The following ZNF407 variants were observed in gnomAD, a reference collection of about 807,000 sequenced individuals.
ZNF407 encodes the protein zinc finger protein 407.
ZNF407 carries 17 observed loss-of-function variants against 131.2 expected under a neutral mutation model. That is an observed-to-expected ratio of 0.13 (90% CI 0.09 to 0.19). ZNF407 has a LOEUF of 0.19. Among genes scored for constraint, ZNF407 ranks in the 10% least tolerant of loss-of-function variants. ZNF407 has a pLI of 1.00. For missense variants in ZNF407, 2,681 were observed against 2,830.6 expected (o/e 0.95, Z 1.20); for synonymous variants, 1,156 against 1,062.0 (o/e 1.09, Z -1.72).
intron 4 of ZNF407, among the ~76,000 whole-genome samples, chr18:74,826,240 T>C (rs915609464): frequency 2.0e-5 from 3 of 152,204 alleles, no homozygotes; most frequent in Admixed American, 6.5e-5. Context: ...GTTGTACTTC[T>C]GGTTATATGG....
At chr18:74,695,276 T>G (rs1967324003) in intron 3 of ZNF407, among the ~76,000 whole-genome samples, 1 of 152,214 alleles carries the variant, frequency 6.6e-6, no homozygotes, top group Non-Finnish European at 1.5e-5. Context: ...CTGCATAACA[T>G]CTATGCCTTT....
At chr18:75,059,679 G>A (rs1378735911) in intron 8 of ZNF407, among the ~76,000 whole-genome samples, 1 of 152,188 alleles carries the variant, frequency 6.6e-6, no homozygotes, top group Non-Finnish European at 1.5e-5. Flanking sequence ...ACTGACCGGG[G>A]ATCAGCCACA....
intron 4 of ZNF407, among the ~76,000 whole-genome samples, chr18:74,833,666 T>G (rs1599184470): frequency 6.6e-6 from 1 of 152,210 alleles, no homozygotes; most frequent in East Asian, 1.9e-4. Flanking sequence ...GGCACGGGAC[T>G]TAAGGGCCTT....
chr18:74,725,774 G>A (rs908467589), intron 3 of ZNF407, among the ~76,000 whole-genome samples: 2 of 152,012 alleles, frequency 1.3e-5, no homozygotes, highest in Non-Finnish European at 2.9e-5. Context: ...ATTTGAGCAG[G>A]TGATGTTATG....
Position 74,644,583 on chromosome 18 carries a change from T to C in ZNF407, c.4802+3461T>C, listed in dbSNP as rs62097596. Among the ~76,000 whole-genome samples the C allele has an allele frequency of 2.0e-5, 3 of 151,930 alleles. No homozygotes were observed. The South Asian group carries it at 6.2e-4, about 31-fold the overall frequency. ...TTCTCTATGTACATATAAGGTAGTA[T>C]ACCTGGTACTCTAAATAGTATTTAT... On this transcript the variant is annotated intron_variant, in intron 3 of 8. Transcript: ENST00000299687.
intron 4 of ZNF407, among the ~76,000 whole-genome samples, chr18:74,782,835 G>A (rs1411997323): frequency 6.6e-6 from 1 of 152,054 alleles, no homozygotes; most frequent in Non-Finnish European, 1.5e-5. Context: ...TGGCCAGGAT[G>A]GTCTCAATCT....
At chr18:74,912,816 T>C (rs975552139) in intron 7 of ZNF407, among the ~76,000 whole-genome samples, 11 of 152,284 alleles carry the variant, frequency 7.2e-5, no homozygotes, top group African/African-American at 2.4e-4. Flanking sequence ...AGTCTGCAAC[T>C]TCTGTCCTAA....
chr18:74,717,098 C>T (rs1017901378), intron 3 of ZNF407, among the ~76,000 whole-genome samples: 9 of 152,054 alleles, frequency 5.9e-5, no homozygotes, highest in South Asian at 2.1e-4. Context: ...TGTATGTGTA[C>T]GCATGTGTAT....
chr18:74,627,321 C>A (rs1178631929), intron 1 of ZNF407, among the ~76,000 whole-genome samples: 2 of 152,172 alleles, frequency 1.3e-5, no homozygotes, highest in South Asian at 2.1e-4. Flanking sequence ...GTGGTGTTTG[C>A]TGTATATCCA....
intron 3 of ZNF407, among the ~76,000 whole-genome samples, chr18:74,652,733 A>C (rs1002817567): frequency 1.2e-4 from 18 of 147,802 alleles, no homozygotes; most frequent in African/African-American, 4.6e-4. Context: ...ATCAAAACAA[A>C]GAACTATTGG....
At chr18:74,740,694 G>T (rs1341409708) in intron 3 of ZNF407, among the ~76,000 whole-genome samples, 1 of 152,114 alleles carries the variant, frequency 6.6e-6, no homozygotes, top group East Asian at 1.9e-4. Flanking sequence ...ACCACTCCTG[G>T]GTTTAGGGAA....
At position 74,634,703 on chromosome 18, in the gene ZNF407, C is replaced by G; in HGVS notation, c.3684C>G (p.Val1228=). 3.7e-6 allele frequency: 6 copies of G among 1,613,978 alleles called. No individual in the cohort carries two copies. Among genetic ancestry groups the G allele is most frequent in the Non-Finnish European group, 5.1e-6 (6 of 1,179,896 alleles). Residue 1228 remains valine, a synonymous_variant, in exon 2 of 9, where the codon GTC becomes GTG. Transcript: ENST00000299687. ...CGAATGATGCAGGTGAGCTGCGTGT[C>G]CATTGTGAGGGTGAAGGAGGAAACG... ...EISNDAGELR[V]HCEGEGGNAG...
At chr18:74,600,227 C>T (rs1982521428) in intron 1 of ZNF407, among the ~76,000 whole-genome samples, 1 of 152,158 alleles carries the variant, frequency 6.6e-6, no homozygotes, top group Admixed American at 6.6e-5. Context: ...AGATGGCTTT[C>T]AGAATTGATG....
At chr18:74,689,526 A>G (rs1024958583) in intron 3 of ZNF407, among the ~76,000 whole-genome samples, 1 of 152,230 alleles carries the variant, frequency 6.6e-6, no homozygotes, top group Non-Finnish European at 1.5e-5. Flanking sequence ...GCAACTGTCC[A>G]TATCTCTTGA....
At position 74,926,975 on chromosome 18, in the gene ZNF407, ATTG is replaced by A. The variant is rs545286029; in HGVS notation, c.5428+6286_5428+6288del. On this transcript the variant is annotated intron_variant, in intron 8 of 8. Coordinates refer to ENST00000299687, the MANE Select transcript of ZNF407 (RefSeq NM_017757.3). ...ATCCTCCTGCAAGAGGGTGATCCTA[ATTG>A]TTCTAGAGTGACCCAAATGGTTGTT... 1.8e-4 allele frequency among the ~76,000 whole-genome samples: 27 copies of A among 152,198 alleles called. No homozygotes were observed. In the East Asian group the frequency reaches 4.4e-3, roughly 25 times the overall value.
At chr18:74,639,942 T>G (rs564082477) in intron 2 of ZNF407, among the ~76,000 whole-genome samples, 11 of 152,156 alleles carry the variant, frequency 7.2e-5, no homozygotes, top group Non-Finnish European at 1.2e-4. Flanking sequence ...TACAATTTTT[T>G]AAATTTGAGC....
At position 75,063,550 on chromosome 18, in the gene ZNF407, C is replaced by A; in HGVS notation, c.5829C>A (p.Val1943=). ...CTGATGGAGCCACCCAGGTGGTCGT[C>A]GTGGGGGGCTCCATGGAAGGCCACG... ...QLADGATQVV[V]VGGSMEGHGM... is the part of the protein sequence containing the mutation. The change falls in exon 9 of 9, where the codon GTC becomes GTA. Residue 1943 remains valine (V), a synonymous_variant. Transcript: ENST00000299687. This position sits in a 1 kb window ranked among gnomAD's most constrained non-coding sequence, Gnocchi z 6.6. 2 of 1,567,428 alleles carry A rather than the reference C, an allele frequency of 1.3e-6. No homozygotes were observed. The highest frequency in any genetic ancestry group is 2.4e-5 in the East Asian group (1 of 41,956).
intron 3 of ZNF407, among the ~76,000 whole-genome samples, chr18:74,718,569 C>G (rs1967952507): frequency 6.6e-6 from 1 of 151,866 alleles, no homozygotes; most frequent in Non-Finnish European, 1.5e-5. Context: ...GATGTGTTGC[C>G]GAGGTTGGCC....
At chr18:74,878,594 T>C (rs1444706384) in intron 5 of ZNF407, among the ~76,000 whole-genome samples, 2 of 152,150 alleles carry the variant, frequency 1.3e-5, no homozygotes, top group African/African-American at 4.8e-5. Context: ...TTGTTAGGTC[T>C]TGTAGTCTGC....
Sources: gnomAD v4.1 joint callset for allele counts (sites outside exome capture counted in the v4.1 genomes callset) on GRCh38, gnomAD v4.1.1 for gene constraint, Gnocchi (gnomAD v3.1) non-coding constraint, MANE v1.5 for transcripts, NCBI Gene and HGNC (gene_info 2026-07-23, HGNC 2026-07-21) for gene names.